TFPT: variants seen among roughly 807,000 people sequenced by gnomAD.
TFPT encodes the protein TCF3 fusion partner.
Under a neutral mutation model 28.8 loss-of-function variants are expected in TFPT, and 27 were observed. The ratio of observed to expected loss-of-function variants is 0.94; its 90% CI spans 0.69 to 1.29. The LOEUF (loss-of-function observed/expected upper bound fraction) is 1.29. Ranked by LOEUF, TFPT falls within the 50% of genes most tolerant of loss-of-function variation. TFPT has a pLI of 0.00. For missense variants in TFPT, 330 were observed against 338.0 expected, an observed-to-expected ratio of 0.98 and a Z score of 0.19; for synonymous variants, 152 against 142.8, an observed-to-expected ratio of 1.06 and a Z score of -0.46.
In TFPT at chr19:54,107,288, G is replaced by C. The variant is rs1181693778; in HGVS notation, c.643-119C>G. 10 of 1,398,100 alleles carry C rather than the reference G, an allele frequency of 7.2e-6. No individual in the cohort carries two copies. In the African/African-American group the frequency reaches 1.4e-4, roughly 20 times the overall value. 86.6% of individuals were successfully genotyped at this position (1,398,100 alleles called of 1,614,324 possible). On this transcript the variant is annotated intron_variant, in intron 5 of 5. Transcript: ENST00000391759. ...TAAAGAGACAGGGTCTCACTCTGTT[G>C]CCCAGGCTGGAGTGCAGTGGTGCCA...
At chr19:54,113,425 A>G (rs775409462) in intron 2 of TFPT, among the ~76,000 whole-genome samples, 12 of 152,096 alleles carry the variant, frequency 7.9e-5, no homozygotes, top group Non-Finnish European at 8.8e-5. Flanking sequence ...CCCTGTCGAC[A>G]CCTTGCCTTG....
chr19:54,111,684 G>GAA (rs56412241), intron 2 of TFPT, among the ~76,000 whole-genome samples: 1 of 119,474 alleles, frequency 8.4e-6, no homozygotes. Context: ...TGTCTCAAAA[G>GAA]AAAAAAAAAA....
At chr19:54,113,451 G>A (rs1331219695) in intron 2 of TFPT, among the ~76,000 whole-genome samples, 1 of 152,136 alleles carries the variant, frequency 6.6e-6, no homozygotes, top group East Asian at 1.9e-4. Context: ...CTAGCCTCCA[G>A]AACTGTCAGA....
At chr19:54,107,373 C>T (rs1189146935) in intron 5 of TFPT, 16 of 652,574 alleles carry the variant, frequency 2.5e-5, no homozygotes, top group Non-Finnish European at 4.1e-5. Flanking sequence ...CTCAGCTTCC[C>T]AAGTAGCTGG....
intron 1 of TFPT, chr19:54,114,917 G>T (rs966614844): frequency 3.9e-5 from 28 of 719,662 alleles, no homozygotes; most frequent in African/African-American, 1.8e-5. Flanking sequence ...CACCCACAGG[G>T]TTCAAGCCCT....
intron 2 of TFPT, among the ~76,000 whole-genome samples, chr19:54,111,011 C>A (rs1196652917): frequency 6.6e-6 from 1 of 152,186 alleles, no homozygotes; most frequent in Non-Finnish European, 1.5e-5. Flanking sequence ...GTCAGACATG[C>A]TGGAGGTTAG....
In TFPT at chr19:54,108,591, C is replaced by A. The variant is rs1021045895; in HGVS notation, c.354-196G>T. On this transcript the variant is annotated intron_variant, in intron 3 of 5. Coordinates refer to ENST00000391759, the MANE Select transcript of TFPT (RefSeq NM_013342.4). ...TGAGACCTCGAGCAAGACAAGGCAA[C>A]CATTCTGAGGCTGAGTTTCCTGCTC... is the stretch of plus-strand genomic sequence containing the variant. 78 of 1,561,484 alleles carry A rather than the reference C, an allele frequency of 5.0e-5. No homozygotes were observed. The Middle Eastern group carries it at 1.3e-3, about 27-fold the overall frequency.
At chr19:54,112,324 G>T (rs1430644028) in intron 2 of TFPT, among the ~76,000 whole-genome samples, 1 of 152,016 alleles carries the variant, frequency 6.6e-6, no homozygotes, top group East Asian at 1.9e-4. Context: ...TAACCTCTCT[G>T]AGCCTTGATT....
chr19:54,108,565 T>C (rs751493529), intron 3 of TFPT, 170 bp from the exon 4 acceptor site: 5 of 1,598,330 alleles, frequency 3.1e-6, no homozygotes, highest in African/African-American at 2.7e-5. Flanking sequence ...TTGACCAGCC[T>C]TGAGACCTCG....
chr19:54,114,274 C>T (rs1163400564), intron 2 of TFPT, among the ~76,000 whole-genome samples, 168 bp downstream of exon 2: 3 of 152,268 alleles, frequency 2.0e-5, no homozygotes, highest in East Asian at 1.9e-4. Context: ...TCCAGGGGCC[C>T]GGCACAGGGC....
intron 2 of TFPT, among the ~76,000 whole-genome samples, chr19:54,112,701 A>T (rs587764727): frequency 6.6e-6 from 1 of 152,118 alleles, no homozygotes; most frequent in South Asian, 2.1e-4. Context: ...AGGCAGGAGG[A>T]CTGCTTGAAC....
Position 54,108,375 on chromosome 19 carries a change from T to A in TFPT, c.374A>T (p.Asp125Val). 2 of 1,612,832 alleles carry A rather than the reference T, an allele frequency of 1.2e-6. No homozygotes were observed. Among genetic ancestry groups the A allele is most frequent in the Non-Finnish European group, 1.7e-6 (2 of 1,179,542 alleles). ...GGCCCGGTAGTCATCCCCGTAGGAGTCCAGCACTCTCATGAGGAACCTGCT... is the reference window on the plus strand; with the variant it reads ...GGCCCGGTAGTCATCCCCGTAGGAGACCAGCACTCTCATGAGGAACCTGCT... The part of the protein sequence containing the change: ...QERRFLMRVL[D>V]SYGDDYRASQ... Residue 125 changes from aspartate (D) to valine (V), a missense_variant, in exon 4 of 6, where the codon GAC becomes GTC. Coordinates refer to ENST00000391759, the MANE Select transcript of TFPT (RefSeq NM_013342.4).
Position 54,114,482 on chromosome 19 carries a change from T to C in TFPT, c.242A>G (p.Lys81Arg). Residue 81 changes from lysine to arginine, a missense_variant, in exon 2 of 6, where the codon AAG (lysine) becomes AGG (arginine). Physicochemically the swap from Lys to Arg is conservative, Grantham distance 26. Transcript: ENST00000391759. ...RRRQRELNRR[K>R]YQALGRRCRE... ...GCAGCGCCGACCTAGTGCCTGGTAC[T>C]TTCTGCGATTTAATTCCCGCTGGCG... 1 of 1,613,836 alleles carries C rather than the reference T, an allele frequency of 6.2e-7. No individual in the cohort carries two copies. The highest frequency in any genetic ancestry group is 8.5e-7 in the Non-Finnish European group (1 of 1,180,000).
chr19:54,114,419 C>T, intron 2 of TFPT, 23 bp downstream of exon 2: 3 of 1,597,932 alleles, frequency 1.9e-6, no homozygotes, highest in African/African-American at 1.3e-5. Context: ...GACCCCAAAA[C>T]CGGGGGATCC....
Position 54,109,543 on chromosome 19 carries a change from G to A in TFPT, c.353+508C>T, listed in dbSNP as rs587630950. On this transcript the variant is annotated intron_variant, in intron 3 of 5. Coordinates refer to ENST00000391759, the MANE Select transcript of TFPT (RefSeq NM_013342.4). ...TACAGGGACACTGCGAGTGGCAGGG[G>A]CAGCAGCCACCTGGGCAGGTTCTGT... Among the ~76,000 whole-genome samples the A allele has an allele frequency of 5.3e-5, 8 of 152,132 alleles. No individual in the cohort carries two copies. In the South Asian group the frequency reaches 1.5e-3, roughly 28 times the overall value.
At chr19:54,107,663 T>G in intron 5 of TFPT, 1 of 316,978 alleles carries the variant, frequency 3.2e-6, no homozygotes. Context: ...CACTGGGCCT[T>G]CCCTTCCACT....
intron 3 of TFPT, chr19:54,108,603 TGA>T: frequency 1.9e-6 from 3 of 1,541,794 alleles, no homozygotes; most frequent in South Asian, 1.2e-5. Flanking sequence ...ATTCTGAGGC[TGA>T]GTTTCCTGCT....
chr19:54,107,947 C>T, intron 5 of TFPT, 79 bp downstream of exon 5: 6 of 1,445,276 alleles, frequency 4.2e-6, no homozygotes, highest in Non-Finnish European at 4.6e-6. Flanking sequence ...GGCCCCTCCC[C>T]TTGAGTCCCC....
chr19:54,109,069 G>A (rs2073368352), intron 3 of TFPT: 1 of 160,974 alleles, frequency 6.2e-6, no homozygotes, highest in Non-Finnish European at 1.4e-5. Context: ...TAATTTTTTT[G>A]TATTTTTAGT....
Sources: allele counts gnomAD v4.1 joint callset (sites outside exome capture counted in the v4.1 genomes callset), GRCh38; gene constraint gnomAD v4.1.1; transcripts MANE v1.5; gene names NCBI Gene and HGNC (gene_info 2026-07-23, HGNC 2026-07-21).